CFAP46: variants seen among roughly 807,000 people sequenced by gnomAD.
The protein encoded by CFAP46 is cilia and flagella associated protein 46.
CFAP46 carries 245 observed loss-of-function variants against 325.7 expected under a neutral mutation model. The ratio of observed to expected loss-of-function variants is 0.75; its 90% CI spans 0.68 to 0.84. The LOEUF (loss-of-function observed/expected upper bound fraction) is 0.84, where lower values mean the gene tolerates loss of function less well. Ranked by LOEUF, CFAP46 falls within the 40% of genes least tolerant of loss-of-function variation. CFAP46 has a pLI of 0.00. For missense variants in CFAP46, 3,346 were observed against 3,543.0 expected (o/e 0.94, Z 1.41); for synonymous variants, 1,523 against 1,495.9 (o/e 1.02, Z -0.42).
In CFAP46 at chr10:132,821,918, CTG is replaced by C. The variant is rs544293583; in HGVS notation, c.7118-7006_7118-7005del. ...TGTGTTGTGTGAGTGCTGATGTGTG[CTG>C]TGTGTGCGCTGATGTGTGCTGTGTG... is the stretch of plus-strand genomic sequence containing the variant. On this transcript the variant is annotated intron_variant, in intron 50 of 57. Transcript: ENST00000368586. Among the ~76,000 whole-genome samples, 117 of 127,690 alleles carry C rather than the reference CTG, an allele frequency of 9.2e-4. 1 individual carries two copies. Among genetic ancestry groups the C allele is most frequent in the Admixed American group, 3.8e-3 (45 of 11,940 alleles). The allele number at this position is 127,690 out of a possible 152,430, so 83.8% of individuals were successfully genotyped here.
chr10:132,907,572 T>C (rs561664572), intron 22 of CFAP46, among the ~76,000 whole-genome samples: 1 of 152,326 alleles, frequency 6.6e-6, no homozygotes, highest in Non-Finnish European at 1.5e-5. Flanking sequence ...ATCTGTCTAT[T>C]CAAAATTACT....
Position 132,869,485 on chromosome 10 carries a change from T to C in CFAP46, c.4512-113A>G. On this transcript the variant is annotated intron_variant, in intron 32 of 57. Coordinates refer to ENST00000368586, the MANE Select transcript of CFAP46 (RefSeq NM_001200049.3). The surrounding 1 kb of genome is among the most constrained non-coding windows in gnomAD (Gnocchi z 6.2). ...GTCAACTAACACATCGAGGCACACT[T>C]GGATGGTATTTTCAATCATTTTTAA... 3 of 636,204 alleles carry C rather than the reference T, an allele frequency of 4.7e-6. 1 individual carries two copies. Among genetic ancestry groups the C allele is most frequent in the Non-Finnish European group, 7.3e-6 (3 of 408,402 alleles). The allele number at this position is 636,204 out of a possible 1,614,324, so 39.4% of individuals were successfully genotyped here.
intron 57 of CFAP46, among the ~76,000 whole-genome samples, chr10:132,809,538 C>T (rs538150074): frequency 3.3e-5 from 5 of 152,282 alleles, no homozygotes; most frequent in African/African-American, 4.8e-5. Context: ...CCGTGGACCA[C>T]GTGCTCTTTA....
rs1850105080 is a variant in CFAP46 at position 132,941,705 on chromosome 10, C to T, written c.192G>A (p.Val64=). The change falls in exon 3 of 58, where the codon GTG becomes GTA. Residue 64 remains valine (V), a synonymous_variant. Transcript: ENST00000368586. The stretch of plus-strand genomic sequence containing the variant: ...AGTACATTTGGATGCAGTCCTCGCT[C>T]ACCTCTGGCTGCCTCATCTGCAAGA... The part of the protein sequence containing the change: ...EQALKMRQPE[V]SEDCIQMYFK... The T allele has an allele frequency of 1.2e-6, 2 of 1,613,992 alleles. No homozygotes were observed. Among genetic ancestry groups the T allele is most frequent in the South Asian group, 1.1e-5 (1 of 91,076 alleles).
At chr10:132,825,282 T>C (rs545768548) in intron 50 of CFAP46, among the ~76,000 whole-genome samples, 5 of 148,098 alleles carry the variant, frequency 3.4e-5, no homozygotes, top group Non-Finnish European at 6.1e-5. Flanking sequence ...GCTGTGTGTG[T>C]GCTGATGTGT....
intron 50 of CFAP46, among the ~76,000 whole-genome samples, chr10:132,825,597 C>A (rs1848032253): frequency 6.6e-6 from 1 of 152,032 alleles, no homozygotes; most frequent in South Asian, 2.1e-4. Context: ...GCTAAAAGCA[C>A]CAGCTATTAA....
chr10:132,867,990 G>C (rs114699476), intron 33 of CFAP46, among the ~76,000 whole-genome samples: 98 of 152,278 alleles, frequency 6.4e-4, no homozygotes, highest in Middle Eastern at 3.4e-3. Context: ...TGAACACCAG[G>C]TCCTGGCCAT....
At chr10:132,918,353 C>T (rs958845676) in intron 16 of CFAP46, 40 bp downstream of exon 16, 8 of 1,461,874 alleles carry the variant, frequency 5.5e-6, no homozygotes, top group African/African-American at 3.0e-5. Context: ...CTCTCCACGA[C>T]GCACCTCAGC....
chr10:132,910,052 A>T lies in CFAP46; in HGVS notation c.2516T>A (p.Leu839Gln). The change falls in exon 20 of 58, where the codon CTG becomes CAG. Residue 839 changes from leucine (L) to glutamine (Q), a missense_variant. Transcript: ENST00000368586. ...KTAVEVCEFA[L>Q]NLTNGSAPEE... ...GGGCGCACTCCCATTGGTCAGGTTC[A>T]GGGCAAACTCGCAGACCTAGGACAG... 1.3e-6 allele frequency: 2 copies of T among 1,506,764 alleles called. No individual in the cohort carries two copies. The highest frequency in any genetic ancestry group is 1.8e-6 in the Non-Finnish European group (2 of 1,129,124). 93.3% of individuals were successfully genotyped at this position (1,506,764 alleles called of 1,614,324 possible). A position where few individuals can be genotyped will look rare whatever the true frequency, so the allele number is the denominator to read the frequency against.
At chr10:132,899,796 G>T in intron 22 of CFAP46, 130 bp from the exon 23 acceptor site, 1 of 1,065,932 alleles carries the variant, frequency 9.4e-7, no homozygotes, top group Non-Finnish European at 1.3e-6. Flanking sequence ...TGGCCCACAA[G>T]CACATGTGCA....
chr10:132,836,166 T>A lies in CFAP46; in HGVS notation c.6589A>T (p.Lys2197Ter), dbSNP rs1441082915. The A allele has an allele frequency of 1.9e-6, 3 of 1,609,182 alleles. No individual in the cohort carries two copies. The highest frequency in any genetic ancestry group is 2.5e-6 in the Non-Finnish European group (3 of 1,179,138). ...CCTCCCACCGCCTGCACCTTTCCTTTGGCTGCAGTAATGAACTTGGGTTTC... is the reference window on the plus strand; with the variant it reads ...CCTCCCACCGCCTGCACCTTTCCTTAGGCTGCAGTAATGAACTTGGGTTTC... ...YEKPKFITAA[K>*]GKVQAVGGSC... The change falls in exon 46 of 58, where the codon AAA becomes TAA. Residue 2197 changes from lysine (K) to a stop codon, truncating the protein, a stop_gained. Coordinates refer to ENST00000368586, the MANE Select transcript of CFAP46 (RefSeq NM_001200049.3). LOFTEE classifies it high-confidence loss of function.
chr10:132,915,575 C>A (rs894088417), intron 17 of CFAP46, among the ~76,000 whole-genome samples: 6 of 151,418 alleles, frequency 4.0e-5, no homozygotes, highest in Non-Finnish European at 7.4e-5. Flanking sequence ...AGCTTCTGCC[C>A]CGAGGGACCG....
intron 8 of CFAP46, among the ~76,000 whole-genome samples, chr10:132,930,150 T>C (rs1457831335): frequency 2.6e-5 from 4 of 152,074 alleles, no homozygotes; most frequent in African/African-American, 4.8e-5. Context: ...AGCCATTGCA[T>C]TGCACAGCAG....
At chr10:132,937,105 G>T in intron 6 of CFAP46, 50 bp from the exon 7 acceptor site, 1 of 1,085,648 alleles carries the variant, frequency 9.2e-7, no homozygotes, top group African/African-American at 1.6e-5. Flanking sequence ...CAATTCGGTA[G>T]AGGTTCAGAT....
chr10:132,941,802 C>T lies in CFAP46; in HGVS notation c.175-80G>A, dbSNP rs1232661488. 5 of 1,586,430 alleles carry T rather than the reference C, an allele frequency of 3.2e-6. No individual in the cohort carries two copies. The East Asian group carries it at 1.1e-4, about 36-fold the overall frequency. On this transcript the variant is annotated intron_variant, in intron 2 of 57. Coordinates refer to ENST00000368586, the MANE Select transcript of CFAP46 (RefSeq NM_001200049.3). ...CCCAGAAGCACCACGGGCCCGCTTT[C>T]AGAACAGGCCCCCAGCACAGGTGGA...
Position 132,847,080 on chromosome 10 carries a change from G to C in CFAP46, c.6119C>G (p.Ala2040Gly). 1 of 1,612,134 alleles carries C rather than the reference G, an allele frequency of 6.2e-7. No homozygotes were observed. The highest frequency in any genetic ancestry group is 8.5e-7 in the Non-Finnish European group (1 of 1,179,672). Residue 2040 changes from alanine to glycine, a missense_variant, in exon 43 of 58, where the codon GCT becomes GGT. Coordinates refer to ENST00000368586, the MANE Select transcript of CFAP46 (RefSeq NM_001200049.3). This position sits in a 1 kb window ranked among gnomAD's most constrained non-coding sequence, Gnocchi z 5.2. Reference protein sequence around the residue: ...RRMVLAQQYLAQASEVLLQCL... With the variant: ...RRMVLAQQYLGQASEVLLQCL... ...CTGCAGCAGCACCTCTGACGCCTGA[G>C]CCAGGTACTGCTGGGCCAGAACCAT...
intron 49 of CFAP46, 23 bp downstream of exon 49, chr10:132,834,018 G>T (rs568805687): frequency 3.1e-6 from 5 of 1,610,800 alleles, no homozygotes; most frequent in Non-Finnish European, 3.4e-6. Flanking sequence ...CCCAGGCTGA[G>T]TGGCCACGCC....
intron 44 of CFAP46, among the ~76,000 whole-genome samples, chr10:132,837,821 G>A (rs2135036545): frequency 9.7e-6 from 1 of 102,996 alleles, no homozygotes; most frequent in African/African-American, 3.9e-5. Flanking sequence ...GTACACAGAT[G>A]CACACACACA....
intron 41 of CFAP46, among the ~76,000 whole-genome samples, chr10:132,849,748 G>C (rs1479283686): frequency 6.6e-6 from 1 of 152,194 alleles, no homozygotes; most frequent in Non-Finnish European, 1.5e-5. Context: ...GCTGTAGGGG[G>C]TGGGGGATGG....
Sources: allele counts gnomAD v4.1 joint callset (sites outside exome capture counted in the v4.1 genomes callset), GRCh38; gene constraint gnomAD v4.1.1; non-coding constraint Gnocchi (gnomAD v3.1); transcripts MANE v1.5; gene names NCBI Gene and HGNC (gene_info 2026-07-23, HGNC 2026-07-21).